MYT1L: variants seen among roughly 807,000 people sequenced by gnomAD.
The protein encoded by MYT1L is myelin transcription factor 1 like, also known as myelin transcription factor 1-like protein.
MYT1L carries 12 observed loss-of-function variants against 126.7 expected under a neutral mutation model. The observed-to-expected ratio is 0.09, with a 90% CI of 0.06 to 0.15. MYT1L has a LOEUF of 0.15. Among genes scored for constraint, MYT1L ranks in the 10% least tolerant of loss-of-function variants. The pLI is 1.00. For missense variants in MYT1L, 979 were observed against 1,585.2 expected (o/e 0.62, Z 6.49); for synonymous variants, 541 against 604.2 (o/e 0.90, Z 1.53).
chr2:1,926,501 A>AAACAATCCACAAAATG (rs1456983252), intron 9 of MYT1L, among the ~76,000 whole-genome samples: 7 of 152,204 alleles, frequency 4.6e-5, no homozygotes, highest in Non-Finnish European at 8.8e-5. Flanking sequence ...AATGTGATAC[A>AAACAATCCACAAAATG]AACAATCCAC....
At chr2:1,964,532 T>G (rs2059193038) in intron 8 of MYT1L, among the ~76,000 whole-genome samples, 1 of 152,196 alleles carries the variant, frequency 6.6e-6, no homozygotes, top group Non-Finnish European at 1.5e-5. Flanking sequence ...TGGCGAAAGT[T>G]GCTCTAAGAA....
chr2:2,026,398 G>A (rs1359688742), intron 4 of MYT1L, among the ~76,000 whole-genome samples: 1 of 152,140 alleles, frequency 6.6e-6, no homozygotes, highest in African/African-American at 2.4e-5. Flanking sequence ...TCTGGGTTGC[G>A]AGCTGTGGAT....
At chr2:2,243,187 G>T (rs993222896) in intron 2 of MYT1L, among the ~76,000 whole-genome samples, 12 of 152,196 alleles carry the variant, frequency 7.9e-5, no homozygotes, top group Non-Finnish European at 1.5e-4. Flanking sequence ...AATTGAAATT[G>T]TCTTAAGTAA....
Position 1,910,177 on chromosome 2 carries a change from G to C in MYT1L, c.1817+63C>G. On this transcript the variant is annotated intron_variant, in intron 13 of 24. Coordinates refer to ENST00000647738, the MANE Select transcript of MYT1L (RefSeq NM_001303052.2). The surrounding 1 kb of genome is among the most constrained non-coding windows in gnomAD (Gnocchi z 4.8). The stretch of plus-strand genomic sequence containing the variant: ...GACATGCCCTGAGCGGGTGTCCCCA[G>C]CGCTCCGAGGTGTGGGGCAGACTAT... The C allele has an allele frequency of 6.9e-7, 1 of 1,455,544 alleles. No homozygotes were observed. 90.2% of individuals were successfully genotyped at this position (1,455,544 alleles called of 1,614,324 possible). A position where few individuals can be genotyped will look rare whatever the true frequency, so the allele number is the denominator to read the frequency against.
At chr2:2,309,807 C>T (rs1166459458) in intron 1 of MYT1L, among the ~76,000 whole-genome samples, 1 of 151,844 alleles carries the variant, frequency 6.6e-6, no homozygotes, top group Non-Finnish European at 1.5e-5. Flanking sequence ...CTATGCTCCA[C>T]TTGCACTTCG....
Position 1,917,327 on chromosome 2 carries a change from G to C in MYT1L, c.1496C>G (p.Thr499Arg). ...KPYYGKDPSR[T>R]EKKESKCPTP... The stretch of plus-strand genomic sequence containing the variant: ...TGGACACTTGCTCTCTTTCTTTTCT[G>C]TTCTTGAGGGATCTAAAAGCGACAA... Residue 499 changes from threonine (T) to arginine (R), a missense_variant, in exon 11 of 25, where the codon ACA becomes AGA. By Grantham distance (71) the Thr-to-Arg change is moderately conservative (BLOSUM62 -1). Coordinates refer to ENST00000647738, the MANE Select transcript of MYT1L (RefSeq NM_001303052.2). The surrounding 1 kb of genome is among the most constrained non-coding windows in gnomAD (Gnocchi z 5.9). The C allele has an allele frequency of 6.2e-7, 1 of 1,610,066 alleles. No individual in the cohort carries two copies. The highest frequency in any genetic ancestry group is 1.7e-5 in the Admixed American group (1 of 59,722).
chr2:1,820,034 G>A (rs951898597), intron 21 of MYT1L, among the ~76,000 whole-genome samples: 1 of 152,066 alleles, frequency 6.6e-6, no homozygotes, highest in African/African-American at 2.4e-5. Context: ...AGGGCAGTGG[G>A]GGGGGGCCAG....
intron 2 of MYT1L, among the ~76,000 whole-genome samples, chr2:2,180,561 C>T (rs1291880862): frequency 6.7e-6 from 1 of 149,838 alleles, no homozygotes; most frequent in Non-Finnish European, 1.5e-5. Flanking sequence ...CCTGTGTGGG[C>T]CCGTGTGTGT....
At chr2:2,146,783 AG>A (rs1004563311) in intron 3 of MYT1L, among the ~76,000 whole-genome samples, 4 of 152,240 alleles carry the variant, frequency 2.6e-5, no homozygotes, top group African/African-American at 7.2e-5. Flanking sequence ...CCTATTAAAT[AG>A]GGGCCACCTT....
intron 1 of MYT1L, among the ~76,000 whole-genome samples, chr2:2,315,603 G>T (rs2096053055): frequency 6.6e-6 from 1 of 152,110 alleles, no homozygotes; most frequent in African/African-American, 2.4e-5. Context: ...TGTTTTCAGG[G>T]TGCCTTCCTG....
At chr2:1,818,984 A>G (rs969344748) in intron 21 of MYT1L, among the ~76,000 whole-genome samples, 4 of 151,930 alleles carry the variant, frequency 2.6e-5, no homozygotes, top group African/African-American at 7.3e-5. Flanking sequence ...CCGTGTGACC[A>G]CCCAGATGGC....
At chr2:2,182,874 G>A (rs2091688773) in intron 2 of MYT1L, among the ~76,000 whole-genome samples, 1 of 152,200 alleles carries the variant, frequency 6.6e-6, no homozygotes, top group African/African-American at 2.4e-5. Flanking sequence ...TGGGCCTCCA[G>A]GCAGGACAGA....
intron 8 of MYT1L, chr2:1,974,551 T>C (rs915266925): frequency 1.4e-4 from 22 of 152,296 alleles, no homozygotes; most frequent in Middle Eastern, 3.4e-3. Context: ...ATATTTGTCA[T>C]ATTTGTTAGC....
intron 3 of MYT1L, among the ~76,000 whole-genome samples, chr2:2,113,472 C>G (rs1055839882): frequency 2.0e-5 from 3 of 152,170 alleles, no homozygotes; most frequent in Non-Finnish European, 4.4e-5. Context: ...TGGGAAGACT[C>G]CTACGTGCTC....
intron 2 of MYT1L, among the ~76,000 whole-genome samples, chr2:2,185,726 C>T (rs1307780449): frequency 2.5e-5 from 3 of 120,536 alleles, no homozygotes; most frequent in African/African-American, 6.6e-5. Flanking sequence ...GCGTTCCTTA[C>T]GTGAGGCGGA....
chr2:2,235,533 C>T (rs1426881462), intron 2 of MYT1L, among the ~76,000 whole-genome samples: 2 of 152,222 alleles, frequency 1.3e-5, no homozygotes, highest in African/African-American at 4.8e-5. Flanking sequence ...CTCTTACCTC[C>T]AGCCCTGTGT....
intron 2 of MYT1L, among the ~76,000 whole-genome samples, chr2:2,251,064 A>C (rs112499701): frequency 3.3e-5 from 5 of 152,204 alleles, no homozygotes; most frequent in Non-Finnish European, 7.3e-5. Context: ...ATGTAAGGTG[A>C]AGTATCAAAT....
chr2:2,267,502 G>A (rs1409622781), intron 2 of MYT1L, among the ~76,000 whole-genome samples: 1 of 152,204 alleles, frequency 6.6e-6, no homozygotes, highest in Non-Finnish European at 1.5e-5. Flanking sequence ...TGGGGGAAAT[G>A]AGGGGGATGA....
At chr2:2,294,866 A>G (rs2095648405) in intron 1 of MYT1L, among the ~76,000 whole-genome samples, 1 of 152,246 alleles carries the variant, frequency 6.6e-6, no homozygotes, top group Admixed American at 6.5e-5. Context: ...ATTATACAAT[A>G]GTCCCTGTCC....
Sources: allele counts gnomAD v4.1 joint callset (sites outside exome capture counted in the v4.1 genomes callset), GRCh38; gene constraint gnomAD v4.1.1; non-coding constraint Gnocchi (gnomAD v3.1); transcripts MANE v1.5; gene names NCBI Gene and HGNC (gene_info 2026-07-23, HGNC 2026-07-21).